The following KIF19 variants were observed in gnomAD, a reference collection of about 807,000 sequenced individuals.
The protein encoded by KIF19 is kinesin-like protein KIF19.
A neutral mutation model predicts 106.6 loss-of-function variants in KIF19; 98 were observed. The ratio of observed to expected loss-of-function variants is 0.92; its 90% CI spans 0.78 to 1.09. KIF19 has a LOEUF of 1.09. Ranked by LOEUF, KIF19 falls within the 50% of genes least tolerant of loss-of-function variation. The pLI, the probability that KIF19 is intolerant of heterozygous loss-of-function variation, is 0.00. For synonymous variants in KIF19, 516 were observed against 584.2 expected (o/e 0.88, Z 1.68); for missense variants, 1,373 against 1,414.3 (o/e 0.97, Z 0.47).
intron 2 of KIF19, among the ~76,000 whole-genome samples, chr17:74,338,880 C>G (rs2054285600): frequency 6.6e-6 from 1 of 151,930 alleles, no homozygotes. Flanking sequence ...TCACCAGCCT[C>G]TCCTCACCCC....
At chr17:74,349,099 G>T in intron 9 of KIF19, 85 bp from the exon 10 acceptor site, 1 of 1,419,530 alleles carries the variant, frequency 7.0e-7, no homozygotes, top group Non-Finnish European at 9.8e-7. Flanking sequence ...GGGGGAGGCA[G>T]GGGGAAGAAA....
At position 74,350,567 on chromosome 17, in the gene KIF19, C is replaced by G. The variant is rs2054669949; in HGVS notation, c.1380C>G (p.Thr460=). 2 of 1,612,732 alleles carry G rather than the reference C, an allele frequency of 1.2e-6. No individual in the cohort carries two copies. Among genetic ancestry groups the G allele is most frequent in the Middle Eastern group, 1.6e-4 (1 of 6,084 alleles). Residue 460 remains threonine, a synonymous_variant, in exon 11 of 20, where the codon ACC becomes ACG. Transcript: ENST00000389916. ...TTGACACCTCCCGACACCTGCTCAC[C>G]ATCGCCGGGTAAGCCCCCCTCCCAG... The part of the protein sequence containing the change: ...VQIDTSRHLL[T]IAGWKHEKSR...
Position 74,354,925 on chromosome 17 carries a change from T to C in KIF19, c.2850T>C (p.Pro950=). 1 of 1,579,104 alleles carries C rather than the reference T, an allele frequency of 6.3e-7. No homozygotes were observed. The highest frequency in any genetic ancestry group is 8.6e-7 in the Non-Finnish European group (1 of 1,162,842). Residue 950 remains proline, a synonymous_variant, in exon 19 of 20, where the codon CCT becomes CCC. Transcript: ENST00000389916. ...VTLPLAKVKL[P]PSQNTGPGDS... Reference sequence around the variant, plus strand: ...TACCTTTGGCCAAAGTCAAACTCCCTCCAAGCCAGAACACGGGTCAGTATG... The same window carrying C: ...TACCTTTGGCCAAAGTCAAACTCCCCCCAAGCCAGAACACGGGTCAGTATG...
intron 12 of KIF19, among the ~76,000 whole-genome samples, chr17:74,351,659 C>T (rs746724677): frequency 7.9e-5 from 12 of 152,078 alleles, no homozygotes; most frequent in Non-Finnish European, 1.5e-4. Context: ...GGGTGGTTTG[C>T]GGTCAGGATA....
At position 74,340,555 on chromosome 17, in the gene KIF19, G is replaced by GCACACACACACACACACA; in HGVS notation, c.121-1321_121-1320insCACACACACACACACACA. On this transcript the variant is annotated intron_variant, in intron 2 of 19. Coordinates refer to ENST00000389916, the MANE Select transcript of KIF19 (RefSeq NM_153209.4). ...CACGTGCCAGCAGGTATGCGCGCGC[G>GCACACACACACACACACA]TACACACACACACACACACTGCTGC... 8.9e-3 allele frequency among the ~76,000 whole-genome samples: 1,320 copies of GCACACACACACACACACA among 148,270 alleles called. 18 individuals are homozygous for GCACACACACACACACACA. Among genetic ancestry groups the GCACACACACACACACACA allele is most frequent in the African/African-American group, 0.022 (888 of 39,918 alleles).
chr17:74,342,999 C>A, intron 4 of KIF19, 25 bp from the exon 5 acceptor site: 2 of 1,475,170 alleles, frequency 1.4e-6, no homozygotes, highest in South Asian at 2.4e-5. Context: ...CCACCCCGGT[C>A]ACCCTCCACC....
At chr17:74,348,032 C>T (rs940437982) in intron 9 of KIF19, 133 bp downstream of exon 9, 9 of 1,109,876 alleles carry the variant, frequency 8.1e-6, no homozygotes, top group Non-Finnish European at 8.9e-6. Context: ...CCTAGTTGAT[C>T]GTCACCTGTA....
rs1241524234 is a variant in KIF19 at position 74,331,820 on chromosome 17, A to AC, written c.120+3318dup. Among the ~76,000 whole-genome samples, 1 of 151,298 alleles carries AC rather than the reference A, an allele frequency of 6.6e-6. No individual in the cohort carries two copies. Among genetic ancestry groups the AC allele is most frequent in the Admixed American group, 6.6e-5 (1 of 15,204 alleles). On this transcript the variant is annotated intron_variant, in intron 2 of 19. Coordinates refer to ENST00000389916, the MANE Select transcript of KIF19 (RefSeq NM_153209.4). This position sits in a 1 kb window ranked among gnomAD's most constrained non-coding sequence, Gnocchi z 4.1. ...TCGAACTCCTGACCTCAAGTGATAC[A>AC]CCCGCCTCAGCCTCCCAAACTGTTG...
intron 17 of KIF19, among the ~76,000 whole-genome samples, 154 bp from the exon 18 acceptor site, chr17:74,354,008 G>A (rs532975072): frequency 2.0e-5 from 3 of 152,338 alleles, no homozygotes; most frequent in South Asian, 2.1e-4. Flanking sequence ...AGTGAGGCTC[G>A]GAAATGGGCC....
At chr17:74,327,310 C>G (rs941585604) in intron 1 of KIF19, among the ~76,000 whole-genome samples, 3 of 152,180 alleles carry the variant, frequency 2.0e-5, no homozygotes, top group African/African-American at 7.2e-5. Flanking sequence ...TCCTCTCTGG[C>G]TTTTTAGAAT....
At position 74,351,897 on chromosome 17, in the gene KIF19, C is replaced by A. The variant is rs1216386478; in HGVS notation, c.1618C>A (p.Arg540Ser). The A allele has an allele frequency of 1.4e-6, 2 of 1,412,172 alleles. 1 individual carries two copies. Among genetic ancestry groups the A allele is most frequent in the Admixed American group, 6.4e-5 (2 of 31,178 alleles). 87.5% of individuals were successfully genotyped at this position (1,412,172 alleles called of 1,614,324 possible). A position where few individuals can be genotyped will look rare whatever the true frequency, so the allele number is the denominator to read the frequency against. ...GCTGGAGCAGCGCTGCCGGGAGCTG[C>A]GCGCGCGGGGCCGGCGCCTGGAGGA... ...LALEQRCREL[R>S]ARGRRLEETL... The change falls in exon 13 of 20, where the codon CGC becomes AGC. Residue 540 changes from arginine (R) to serine (S), a missense_variant. Coordinates refer to ENST00000389916, the MANE Select transcript of KIF19 (RefSeq NM_153209.4).
intron 1 of KIF19, 53 bp downstream of exon 1, chr17:74,326,441 C>T (rs2053910643): frequency 1.3e-6 from 2 of 1,561,820 alleles, no homozygotes; most frequent in South Asian, 2.2e-5. Context: ...CTACTTCAGT[C>T]GGCCTCCAGC....
intron 1 of KIF19, among the ~76,000 whole-genome samples, 157 bp downstream of exon 1, chr17:74,326,545 G>A (rs901444492): frequency 1.3e-5 from 2 of 152,200 alleles, no homozygotes; most frequent in Admixed American, 6.5e-5. Flanking sequence ...AAGTCCTGCA[G>A]GATGGGTGTC....
chr17:74,350,304 G>A (rs2054661142), intron 10 of KIF19, 97 bp from the exon 11 acceptor site: 1 of 1,189,820 alleles, frequency 8.4e-7, no homozygotes, highest in Non-Finnish European at 1.2e-6. Flanking sequence ...GGAGCACTGA[G>A]TTGGGAAGAA....
intron 2 of KIF19, among the ~76,000 whole-genome samples, chr17:74,338,370 A>G (rs1197985578): frequency 1.3e-5 from 2 of 148,666 alleles, no homozygotes; most frequent in African/African-American, 4.9e-5. Context: ...AGATCCTAGA[A>G]GAGGCTCACT....
chr17:74,352,071 C>A lies in KIF19; in HGVS notation c.1792C>A (p.Arg598Ser). Reference protein sequence around the residue: ...GALRHRHEAVRRLEQHRSLCD... With the variant: ...GALRHRHEAVSRLEQHRSLCD... ...GCTCCGCCACCGCCACGAGGCCGTG[C>A]GCCGCCTGGAGCAGCACCGCAGTCT... Residue 598 changes from arginine to serine, a missense_variant, in exon 13 of 20, where the codon CGC becomes AGC. Physicochemically the swap from Arg to Ser is moderately radical, Grantham distance 110. Transcript: ENST00000389916. The A allele has an allele frequency of 6.3e-7, 1 of 1,591,848 alleles. No individual in the cohort carries two copies.
At chr17:74,348,886 C>A (rs1481697501) in intron 9 of KIF19, 1 of 421,076 alleles carries the variant, frequency 2.4e-6, no homozygotes, top group East Asian at 5.2e-5. Context: ...AGGTCTTCAA[C>A]TGGAGTGGGA....
Position 74,349,360 on chromosome 17 carries a change from G to A in KIF19, c.1213+11G>A, listed in dbSNP as rs1336638265. The A allele has an allele frequency of 1.3e-6, 2 of 1,584,774 alleles. No individual in the cohort carries two copies. The highest frequency in any genetic ancestry group is 1.3e-5 in the African/African-American group (1 of 74,400). Reference sequence around the variant, plus strand: ...TCCGCCACATCCAAGGTGCGCCTGTGGGTCTGTGTGAGTGGCAGCCCCCTC... The same window carrying A: ...TCCGCCACATCCAAGGTGCGCCTGTAGGTCTGTGTGAGTGGCAGCCCCCTC... On this transcript the variant is annotated intron_variant, in intron 10 of 19. Coordinates refer to ENST00000389916, the MANE Select transcript of KIF19 (RefSeq NM_153209.4).
intron 2 of KIF19, chr17:74,329,274 C>T (rs1340681325): frequency 6.6e-6 from 1 of 152,018 alleles, no homozygotes; most frequent in Non-Finnish European, 1.5e-5. Context: ...TGGTGAAACC[C>T]AGTCTCTACT....
Sources: gnomAD v4.1 joint callset for allele counts (sites outside exome capture counted in the v4.1 genomes callset) on GRCh38, gnomAD v4.1.1 for gene constraint, Gnocchi (gnomAD v3.1) non-coding constraint, MANE v1.5 for transcripts, NCBI Gene and HGNC (gene_info 2026-07-23, HGNC 2026-07-21) for gene names.